NAV2: variants seen among roughly 807,000 people sequenced by gnomAD.
NAV2 encodes the protein neuron navigator 2.
A neutral mutation model predicts 223.2 loss-of-function variants in NAV2; 54 were observed. The observed-to-expected ratio is 0.24, with a 90% CI of 0.19 to 0.30. NAV2 has a LOEUF of 0.30. NAV2 is among the 10% of genes least tolerant of loss of function. NAV2 has a pLI of 1.00. For missense variants in NAV2, 2,806 were observed against 3,147.5 expected, an observed-to-expected ratio of 0.89 and a Z score of 2.60; for synonymous variants, 1,279 against 1,239.3, an observed-to-expected ratio of 1.03 and a Z score of -0.67.
intron 1 of NAV2, among the ~76,000 whole-genome samples, chr11:19,662,636 G>A (rs555266423): frequency 9.8e-5 from 15 of 152,346 alleles, no homozygotes; most frequent in African/African-American, 3.1e-4. Flanking sequence ...CAGTGGCACC[G>A]GACAGGCCTG....
At chr11:19,456,078 C>T (rs1336892812) in intron 1 of NAV2, among the ~76,000 whole-genome samples, 2 of 152,198 alleles carry the variant, frequency 1.3e-5, no homozygotes, top group Non-Finnish European at 2.9e-5. Context: ...GGAGGTATAA[C>T]AATGTCATCC....
At chr11:19,495,074 A>T (rs970174254) in intron 1 of NAV2, among the ~76,000 whole-genome samples, 3 of 152,248 alleles carry the variant, frequency 2.0e-5, no homozygotes, top group African/African-American at 7.2e-5. Flanking sequence ...CAGAGGACCC[A>T]TGGATAACTT....
intron 5 of NAV2, among the ~76,000 whole-genome samples, chr11:19,884,903 C>T (rs1403415147): frequency 6.6e-6 from 1 of 152,126 alleles, no homozygotes; most frequent in African/African-American, 2.4e-5. Flanking sequence ...GCAGCTATGT[C>T]TCGTCTTTGT....
chr11:19,572,570 A>G (rs1237676085), intron 1 of NAV2, among the ~76,000 whole-genome samples: 2 of 152,204 alleles, frequency 1.3e-5, no homozygotes, highest in Non-Finnish European at 2.9e-5. Flanking sequence ...GAAAGCTTGG[A>G]CAGCCCAGGG....
chr11:19,931,319 C>T (rs1397217957), intron 6 of NAV2, among the ~76,000 whole-genome samples: 2 of 152,082 alleles, frequency 1.3e-5, no homozygotes, highest in Non-Finnish European at 2.9e-5. Flanking sequence ...TGTGAGGCAC[C>T]CTCCCTCCAA....
At chr11:19,368,477 G>A (rs1848364135) in intron 1 of NAV2, among the ~76,000 whole-genome samples, 2 of 152,144 alleles carry the variant, frequency 1.3e-5, no homozygotes, top group Admixed American at 6.5e-5. Context: ...AGGTGTGTGT[G>A]GCCTTGGAAG....
intron 10 of NAV2, among the ~76,000 whole-genome samples, chr11:19,976,458 C>T (rs1989730): frequency 0.74 from 111,926 of 152,160 alleles, 43,910 homozygotes; most frequent in East Asian, 0.92. Context: ...TTTTCCCTGG[C>T]GAGGCTGGCA....
rs1350770678 is a variant in NAV2 at position 19,919,243 on chromosome 11, TA to T, written c.932-13929del. 2.0e-5 allele frequency among the ~76,000 whole-genome samples: 3 copies of T among 151,224 alleles called. No individual in the cohort carries two copies. In the East Asian group the frequency reaches 5.8e-4, roughly 29 times the overall value. On this transcript the variant is annotated intron_variant, in intron 6 of 37. Transcript: ENST00000349880. ...AGCTTGAGAATGTTTAAGTTGGAAT[TA>T]AAACCTCCAAGCTGGTCTGTGAGTG... is the stretch of plus-strand genomic sequence containing the variant.
chr11:19,527,448 T>C (rs1052522735), intron 1 of NAV2, among the ~76,000 whole-genome samples: 3 of 152,076 alleles, frequency 2.0e-5, no homozygotes, highest in African/African-American at 7.2e-5. Flanking sequence ...TTTCTCTCTC[T>C]CCATCTTTCA....
In NAV2 at chr11:20,105,580, C is replaced by T. The variant is rs1345554509; in HGVS notation, c.6694C>T (p.Arg2232Ter). 5 of 1,613,916 alleles carry T rather than the reference C, an allele frequency of 3.1e-6. No individual in the cohort carries two copies. Among genetic ancestry groups the T allele is most frequent in the Non-Finnish European group, 4.2e-6 (5 of 1,180,008 alleles). The change falls in exon 35 of 38, where the codon CGA becomes TGA. Residue 2232 changes from arginine to a stop codon, truncating the protein, a stop_gained. Transcript: ENST00000349880. LOFTEE classifies it high-confidence loss of function. Reference protein sequence around the residue: ...HTEPVKGFLGRFLRRKLMETE... With the variant: ...HTEPVKGFLG ...GGAGCCTGTGAAGGGTTTCCTTGGC[C>T]GATTCCTGAGGAGGAAGCTCATGGA...
At chr11:19,955,639 C>G (rs2047790671) in intron 10 of NAV2, among the ~76,000 whole-genome samples, 1 of 152,132 alleles carries the variant, frequency 6.6e-6, no homozygotes, top group South Asian at 2.1e-4. Context: ...TAGACATGCC[C>G]CTGTTCATCT....
intron 22 of NAV2, among the ~76,000 whole-genome samples, chr11:20,074,952 C>T (rs373833052): frequency 8.6e-5 from 13 of 151,668 alleles, no homozygotes; most frequent in Non-Finnish European, 1.5e-4. Context: ...TAGGAATGCC[C>T]GTAAGTGGAG....
At chr11:19,500,325 C>A (rs959401974) in intron 1 of NAV2, among the ~76,000 whole-genome samples, 14 of 152,092 alleles carry the variant, frequency 9.2e-5, no homozygotes, top group African/African-American at 2.7e-4. Flanking sequence ...AGTGTCCAGC[C>A]ACACTCACCC....
In NAV2 at chr11:20,045,664, T is replaced by G; in HGVS notation, c.3896T>G (p.Leu1299Arg). The change falls in exon 14 of 38, where the codon CTC (leucine) becomes CGC (arginine). Residue 1299 changes from leucine to arginine, a missense_variant. Coordinates refer to ENST00000349880, the MANE Select transcript of NAV2 (RefSeq NM_145117.5). ...AKYPDVASPTLRRLFGGKPTK... is the reference protein window; with the variant it reads ...AKYPDVASPTRRRLFGGKPTK... ...TACCCAGATGTGGCCTCTCCCACAC[T>G]CCGCAGGTAAGTGAGTACATAAATG... 3 of 1,612,554 alleles carry G rather than the reference T, an allele frequency of 1.9e-6. No individual in the cohort carries two copies. The highest frequency in any genetic ancestry group is 2.5e-6 in the Non-Finnish European group (3 of 1,178,810).
intron 1 of NAV2, among the ~76,000 whole-genome samples, chr11:19,593,357 G>C (rs2046115102): frequency 6.6e-6 from 1 of 152,030 alleles, no homozygotes; most frequent in African/African-American, 2.4e-5. Context: ...GGTGAGTTCT[G>C]TTCCATGGAT....
intron 5 of NAV2, among the ~76,000 whole-genome samples, chr11:19,887,720 A>G (rs2041135740): frequency 6.6e-6 from 1 of 152,158 alleles, no homozygotes; most frequent in Non-Finnish European, 1.5e-5. Flanking sequence ...ATCTTGTGGA[A>G]AAGAGGCAGT....
At chr11:19,393,054 A>G (rs1849309826) in intron 1 of NAV2, among the ~76,000 whole-genome samples, 1 of 152,184 alleles carries the variant, frequency 6.6e-6, no homozygotes, top group African/African-American at 2.4e-5. Flanking sequence ...CTGGTGAAAT[A>G]TGCTATGCCA....
At chr11:19,495,808 A>T (rs1325208620) in intron 1 of NAV2, among the ~76,000 whole-genome samples, 1 of 152,202 alleles carries the variant, frequency 6.6e-6, no homozygotes, top group East Asian at 1.9e-4. Context: ...AATAAATCAG[A>T]GAAGAATAGA....
At chr11:19,656,508 T>A (rs1161719440) in intron 1 of NAV2, among the ~76,000 whole-genome samples, 1 of 152,214 alleles carries the variant, frequency 6.6e-6, no homozygotes, top group African/African-American at 2.4e-5. Context: ...CAGAGCCAGA[T>A]CATGCCCAGG....
Sources: gnomAD v4.1 joint callset for allele counts (sites outside exome capture counted in the v4.1 genomes callset) on GRCh38, gnomAD v4.1.1 for gene constraint, MANE v1.5 for transcripts, NCBI Gene and HGNC (gene_info 2026-07-23, HGNC 2026-07-21) for gene names.